The following TRIM55 variants were observed in gnomAD, a reference collection of about 807,000 sequenced individuals.
TRIM55 encodes tripartite motif-containing protein 55.
TRIM55 carries 50 observed loss-of-function variants against 60.9 expected under a neutral mutation model. The ratio of observed to expected loss-of-function variants is 0.82; its 90% CI spans 0.65 to 1.04. The LOEUF is 1.04. TRIM55 is among the 50% of genes least tolerant of loss of function. TRIM55 has a pLI of 0.00. For synonymous variants in TRIM55, 237 were observed against 238.1 expected (o/e 1.00, Z 0.04); for missense variants, 681 against 666.9 (o/e 1.02, Z -0.23).
chr8:66,174,464 A>G lies in TRIM55; in HGVS notation c.1525-7A>G. On this transcript the variant is annotated splice_region_variant and splice_polypyrimidine_tract_variant and intron_variant, in intron 9 of 9. Coordinates refer to ENST00000315962, the MANE Select transcript of TRIM55 (RefSeq NM_184085.2). ...TTTTCTCTGATTCCCATTTTCTTCC[A>G]TTGCAGATTGGATTTGAGGCTCCTC... 1 of 1,610,392 alleles carries G rather than the reference A, an allele frequency of 6.2e-7. No individual in the cohort carries two copies. The highest frequency in any genetic ancestry group is 2.2e-5 in the East Asian group (1 of 44,482).
intron 4 of TRIM55, among the ~76,000 whole-genome samples, chr8:66,137,985 G>T (rs565903938): frequency 6.6e-6 from 1 of 152,238 alleles, no homozygotes; most frequent in East Asian, 1.9e-4. Context: ...AGTTACATCC[G>T]TGCTGCTCTG....
chr8:66,118,677 A>C, the TRIM55 span, among the ~76,000 whole-genome samples: 1 of 152,222 alleles, frequency 6.6e-6, no homozygotes, highest in Non-Finnish European at 1.5e-5. Context: ...ATGGTTAGAA[A>C]GTGCTTTATT....
At chr8:66,126,965 C>T (rs879789934), upstream of TRIM55, 6 of 255,798 alleles carry the variant, frequency 2.3e-5, no homozygotes, top group Admixed American at 3.1e-4. Flanking sequence ...GTTTGTAATC[C>T]TCCTTCCCAC....
chr8:66,152,375 AGAAGAT>A lies in TRIM55; in HGVS notation c.996_1001del (p.Asp332_Glu333del). ...AATTTACAAGATACCTTACCTTACCAGAAGATGAAGATGAAGAAGAAGAAGAAGGCG... is the reference window on the plus strand; with the variant it reads ...AATTTACAAGATACCTTACCTTACCAGAAGATGAAGAAGAAGAAGAAGGCG... On this transcript the variant is annotated splice_acceptor_variant and coding_sequence_variant, in exon 8 of 10. Transcript: ENST00000315962. LOFTEE classifies it high-confidence loss of function. 1.1e-5 allele frequency: 17 copies of A among 1,577,642 alleles called. No individual in the cohort carries two copies. In the Admixed American group the frequency reaches 1.1e-4, roughly 10 times the overall value.
the TRIM55 span, among the ~76,000 whole-genome samples, chr8:66,120,922 T>C: frequency 2.6e-5 from 4 of 152,202 alleles, no homozygotes; most frequent in African/African-American, 9.7e-5. Context: ...CCCCAGAGTT[T>C]GCTGTTGGTG....
At chr8:66,164,513 G>A (rs969722367) in intron 9 of TRIM55, among the ~76,000 whole-genome samples, 3 of 152,188 alleles carry the variant, frequency 2.0e-5, no homozygotes, top group Non-Finnish European at 4.4e-5. Flanking sequence ...GTGACTTCCA[G>A]CACTGGCTTG....
the TRIM55 span, among the ~76,000 whole-genome samples, chr8:66,117,300 A>G: frequency 1.3e-5 from 2 of 152,384 alleles, no homozygotes; most frequent in African/African-American, 2.4e-5. Flanking sequence ...AAATGAAGTA[A>G]AAGACCTCCA....
intron 9 of TRIM55, among the ~76,000 whole-genome samples, chr8:66,169,511 C>T (rs1261657104): frequency 2.0e-5 from 3 of 152,210 alleles, no homozygotes; most frequent in African/African-American, 7.2e-5. Flanking sequence ...ACACCTTCAA[C>T]TAAAAATTAA....
intron 5 of TRIM55, 82 bp from the exon 6 acceptor site, chr8:66,150,135 A>T (rs1323562144): frequency 2.7e-6 from 4 of 1,486,368 alleles, no homozygotes; most frequent in Non-Finnish European, 3.7e-6. Context: ...AGATTCTCAG[A>T]GTCAACAAAG....
chr8:66,133,177 G>A (rs938986940), intron 2 of TRIM55, among the ~76,000 whole-genome samples: 1 of 152,184 alleles, frequency 6.6e-6, no homozygotes, highest in South Asian at 2.1e-4. Context: ...TCAGGATGTG[G>A]TCTGGTCTCT....
chr8:66,129,038 G>T (rs540224499), intron 2 of TRIM55, among the ~76,000 whole-genome samples: 1 of 152,160 alleles, frequency 6.6e-6, no homozygotes, highest in African/African-American at 2.4e-5. Context: ...GGCCTTTAGG[G>T]ACTTAAACTT....
At chr8:66,132,154 C>T (rs1393941310) in intron 2 of TRIM55, among the ~76,000 whole-genome samples, 4 of 152,068 alleles carry the variant, frequency 2.6e-5, no homozygotes, top group Admixed American at 6.6e-5. Flanking sequence ...TGAAATGAAG[C>T]TTTAAGATCA....
At chr8:66,121,741 T>C in the TRIM55 span, among the ~76,000 whole-genome samples, 5 of 152,246 alleles carry the variant, frequency 3.3e-5, no homozygotes, top group African/African-American at 1.2e-4. Context: ...TATCCAACCG[T>C]AGGGCAGCCC....
the TRIM55 span, among the ~76,000 whole-genome samples, chr8:66,119,593 T>G: frequency 6.6e-6 from 1 of 152,212 alleles, no homozygotes; most frequent in East Asian, 1.9e-4. Context: ...CTCTGACCTA[T>G]TTTGACAGTT....
At chr8:66,128,583 G>A in intron 2 of TRIM55, 107 bp downstream of exon 2, 1 of 1,255,348 alleles carries the variant, frequency 8.0e-7, no homozygotes, top group Non-Finnish European at 1.1e-6. Context: ...ATCACAGACT[G>A]TTTTATGGAA....
intron 9 of TRIM55, among the ~76,000 whole-genome samples, chr8:66,165,845 G>A (rs1488504061): frequency 6.6e-6 from 1 of 152,162 alleles, no homozygotes; most frequent in East Asian, 1.9e-4. Flanking sequence ...AAAAATTGTA[G>A]GAGAGGGTAA....
At chr8:66,113,416 C>T in the TRIM55 span, 3 of 433,550 alleles carry the variant, frequency 6.9e-6, no homozygotes, top group East Asian at 7.2e-5. Context: ...ACTTCCTCAG[C>T]AGGAGACATC....
intron 9 of TRIM55, 51 bp from the exon 10 acceptor site, chr8:66,174,420 C>T: frequency 6.3e-7 from 1 of 1,584,078 alleles, no homozygotes; most frequent in East Asian, 2.4e-5. Context: ...TGGACCAATC[C>T]AAAAAGAACA....
At chr8:66,129,288 G>A (rs1809007124) in intron 2 of TRIM55, among the ~76,000 whole-genome samples, 1 of 152,180 alleles carries the variant, frequency 6.6e-6, no homozygotes, top group Non-Finnish European at 1.5e-5. Context: ...AGAAGGCACG[G>A]TGTGAAGAGC....
Sources: gnomAD v4.1 joint callset for allele counts (sites outside exome capture counted in the v4.1 genomes callset) on GRCh38, gnomAD v4.1.1 for gene constraint, MANE v1.5 for transcripts, NCBI Gene and HGNC (gene_info 2026-07-23, HGNC 2026-07-21) for gene names.